Variants in ERCC5 observed in about 807,000 individuals in gnomAD.
The protein encoded by ERCC5 is DNA excision repair protein ERCC-5.
A neutral mutation model predicts 105.6 loss-of-function variants in ERCC5; 68 were observed. The ratio of observed to expected loss-of-function variants is 0.64; its 90% CI spans 0.53 to 0.79. The LOEUF is 0.79. Ranked by LOEUF, ERCC5 falls within the 30% of genes least tolerant of loss-of-function variation. ERCC5 has a pLI of 0.00. For synonymous variants in ERCC5, 546 were observed against 526.2 expected, an observed-to-expected ratio of 1.04 and a Z score of -0.51; for missense variants, 1,373 against 1,426.7, an observed-to-expected ratio of 0.96 and a Z score of 0.61.
At chr13:102,872,105 G>T in intron 12 of ERCC5, 93 bp from the exon 13 acceptor site, 2 of 1,442,768 alleles carry the variant, frequency 1.4e-6, no homozygotes, top group Non-Finnish European at 9.5e-7. Flanking sequence ...GTTAGAACTT[G>T]AGTTTACATG....
intron 14 of ERCC5, among the ~76,000 whole-genome samples, chr13:102,873,857 G>A (rs940461960): frequency 1.3e-5 from 2 of 152,126 alleles, no homozygotes; most frequent in African/African-American, 4.8e-5. Context: ...TTATCTGTGA[G>A]TATGTTCTGA....
chr13:102,859,037 G>C, intron 6 of ERCC5: 2 of 425,800 alleles, frequency 4.7e-6, no homozygotes, highest in Admixed American at 5.1e-5. Flanking sequence ...GGCCCAGAAA[G>C]CTAGAGTGGA....
At position 102,861,910 on chromosome 13, in the gene ERCC5, C is replaced by T. The variant is rs562758713; in HGVS notation, c.881-120C>T. On this transcript the variant is annotated intron_variant, in intron 7 of 14. Coordinates refer to ENST00000652225, the MANE Select transcript of ERCC5 (RefSeq NM_000123.4). ...AGCTAATGAATTAACTCCTAGTTGC[C>T]GATTAAATGAAAATGTATATACTTA... 234 of 1,441,292 alleles carry T rather than the reference C, an allele frequency of 1.6e-4. No homozygotes were observed. In the Middle Eastern group the frequency reaches 2.8e-3, roughly 17 times the overall value. 89.3% of individuals were successfully genotyped at this position (1,441,292 alleles called of 1,614,324 possible). A position where few individuals can be genotyped will look rare whatever the true frequency, so the allele number is the denominator to read the frequency against.
At chr13:102,854,218 A>G in intron 3 of ERCC5, 70 bp from the exon 4 acceptor site, 6 of 1,522,530 alleles carry the variant, frequency 3.9e-6, no homozygotes, top group Middle Eastern at 1.7e-4. Context: ...GAGAGCAGCC[A>G]GGTCAGGTCC....
intron 8 of ERCC5, chr13:102,864,640 A>G (rs1566470023): frequency 6.6e-6 from 1 of 151,968 alleles, no homozygotes; most frequent in Non-Finnish European, 1.5e-5. Context: ...CATATGTTGT[A>G]CTTTCTCTGC....
Position 102,862,050 on chromosome 13 carries a change from G to T in ERCC5, c.901G>T (p.Ala301Ser). ...TTAAGGTATTCAAGCTAAGACAGTT[G>T]CAGAAGTGGATTCAGAGTCTCTTCC... The part of the protein sequence containing the change: ...LIKGIQAKTV[A>S]EVDSESLPSS... The change falls in exon 8 of 15, where the codon GCA (alanine) becomes TCA (serine). Residue 301 changes from alanine to serine, a missense_variant. Ala to Ser is a moderately conservative substitution (Grantham distance 99, BLOSUM62 1). This residue lies in a region of ERCC5 where 1,004 missense variants were observed against 1,059.7 expected (regional missense o/e 0.95). Coordinates refer to ENST00000652225, the MANE Select transcript of ERCC5 (RefSeq NM_000123.4). 6.2e-7 allele frequency: 1 copy of T among 1,614,222 alleles called. No individual in the cohort carries two copies. Among genetic ancestry groups the T allele is most frequent in the Non-Finnish European group, 8.5e-7 (1 of 1,180,038 alleles).
At position 102,862,579 on chromosome 13, in the gene ERCC5, C is replaced by T. The variant is rs867102591; in HGVS notation, c.1430C>T (p.Ser477Leu). The change falls in exon 8 of 15, where the codon TCA becomes TTA. Residue 477 changes from serine (S) to leucine (L), a missense_variant. Physicochemically the swap from Ser to Leu is moderately radical, Grantham distance 145. Around this residue, in one of 3 missense-constraint regions of ERCC5, gnomAD observed 1,004 missense variants for 1,059.7 expected, o/e 0.95. Transcript: ENST00000652225. ...GACTCAGTTCCAAAAGAACAAATGT[C>T]ACTTGTTCACGTGGGGACTGAAGCC... is the stretch of plus-strand genomic sequence containing the variant. The part of the protein sequence containing the change: ...PTDSVPKEQM[S>L]LVHVGTEAFP... 2 of 1,614,116 alleles carry T rather than the reference C, an allele frequency of 1.2e-6. No individual in the cohort carries two copies. Among genetic ancestry groups the T allele is most frequent in the Middle Eastern group, 1.6e-4 (1 of 6,062 alleles).
rs552834055 is a variant in ERCC5 at position 102,858,569 on chromosome 13, G to A, written c.672+151G>A. 1.9e-5 allele frequency: 23 copies of A among 1,225,122 alleles called. 1 individual carries two copies. The highest frequency in any genetic ancestry group is 1.5e-4 in the South Asian group (11 of 74,184). 75.9% of individuals were successfully genotyped at this position (1,225,122 alleles called of 1,614,324 possible). On this transcript the variant is annotated intron_variant, in intron 6 of 14. Coordinates refer to ENST00000652225, the MANE Select transcript of ERCC5 (RefSeq NM_000123.4). ...TACATCTCAGATTCTAAGAAGCATC[G>A]TATATTTATACGTTTGAGCCTATAG...
Position 102,852,209 on chromosome 13 carries a change from T to G in ERCC5, c.180T>G (p.His60Gln), listed in dbSNP as rs771389207. 6.2e-7 allele frequency: 1 copy of G among 1,614,060 alleles called. No individual in the cohort carries two copies. The highest frequency in any genetic ancestry group is 1.3e-5 in the African/African-American group (1 of 74,950). The change falls in exon 2 of 15, where the codon CAT becomes CAG. Residue 60 changes from histidine (H) to glutamine (Q), a missense_variant. By Grantham distance (24) the His-to-Gln change is conservative. This residue lies in a region of ERCC5 where 1,004 missense variants were observed against 1,059.7 expected (regional missense o/e 0.95). Coordinates refer to ENST00000652225, the MANE Select transcript of ERCC5 (RefSeq NM_000123.4). The stretch of plus-strand genomic sequence containing the variant: ...ATCCTCATCTTCTCACTTTGTTTCA[T>G]CGGCTCTGCAAACTCTTATTTTTTC... ...IENPHLLTLF[H>Q]RLCKLLFFRI...
chr13:102,853,620 T>C lies in ERCC5; in HGVS notation c.265-137T>C, dbSNP rs1008056063. On this transcript the variant is annotated intron_variant, in intron 2 of 14. Coordinates refer to ENST00000652225, the MANE Select transcript of ERCC5 (RefSeq NM_000123.4). ...AGCAACCTGAAGATATACACTGATA[T>C]GGCAATTAGGAGGAAATGCTAAAGC... The C allele has an allele frequency of 8.6e-6, 7 of 818,030 alleles. No homozygotes were observed. In the South Asian group the frequency reaches 9.8e-5, roughly 11 times the overall value. 50.7% of individuals were successfully genotyped at this position (818,030 alleles called of 1,614,324 possible).
intron 3 of ERCC5, 84 bp downstream of exon 3, chr13:102,853,956 A>G (rs780292928): frequency 1.4e-5 from 19 of 1,351,822 alleles, no homozygotes; most frequent in East Asian, 2.3e-5. Context: ...CTCTTTCCCT[A>G]TCTAATTTTG....
chr13:102,875,336 A>T lies in ERCC5; in HGVS notation c.2994A>T (p.Arg998Ser). 6.2e-7 allele frequency: 1 copy of T among 1,613,972 alleles called. No individual in the cohort carries two copies. Among genetic ancestry groups the T allele is most frequent in the Non-Finnish European group, 8.5e-7 (1 of 1,180,010 alleles). The part of the protein sequence containing the change: ...QTQLRIDSFF[R>S]LAQQEKEDAK... ...AGCTCCGAATTGATTCCTTCTTTAG[A>T]TTAGCACAACAGGAGAAAGAAGATG... Residue 998 changes from arginine (R) to serine (S), a missense_variant, in exon 15 of 15, where the codon AGA (arginine) becomes AGT (serine). By Grantham distance (110) the Arg-to-Ser change is moderately radical. Coordinates refer to ENST00000652225, the MANE Select transcript of ERCC5 (RefSeq NM_000123.4).
intron 6 of ERCC5, among the ~76,000 whole-genome samples, chr13:102,859,896 A>C (rs1229858373): frequency 1.3e-5 from 2 of 152,240 alleles, no homozygotes; most frequent in African/African-American, 4.8e-5. Flanking sequence ...GTGGTCTGAA[A>C]ATATTAAATG....
In ERCC5 at chr13:102,872,384, C is replaced by T. The variant is rs150671111; in HGVS notation, c.2865C>T (p.Leu955=). ...KGSFLWGKPD[L]DKIREFCQRY... is the part of the protein sequence containing the mutation. ...CCTTTCTGTGGGGGAAACCTGATCT[C>T]GACAAAATTAGAGAATATCCTTTGC... Residue 955 remains leucine, a synonymous_variant, in exon 13 of 15, where the codon CTC becomes CTT. Coordinates refer to ENST00000652225, the MANE Select transcript of ERCC5 (RefSeq NM_000123.4). 1.2e-5 allele frequency: 19 copies of T among 1,613,986 alleles called. No individual in the cohort carries two copies. The African/African-American group carries it at 1.6e-4, about 14-fold the overall frequency.
At chr13:102,861,226 T>A (rs1882606801) in intron 6 of ERCC5, among the ~76,000 whole-genome samples, 1 of 152,072 alleles carries the variant, frequency 6.6e-6, no homozygotes, top group South Asian at 2.1e-4. Context: ...TGACCTCCGG[T>A]GGTCCACCCA....
At position 102,865,804 on chromosome 13, in the gene ERCC5, G is replaced by A. The variant is rs1217859957; in HGVS notation, c.2092G>A (p.Glu698Lys). ...GGAGGGAGAAGCCCCTGCTGAGTCCGAGAGCCTCCTGAGGGACAACTCTGA... is the reference window on the plus strand; with the variant it reads ...GGAGGGAGAAGCCCCTGCTGAGTCCAAGAGCCTCCTGAGGGACAACTCTGA... Reference protein sequence around the residue: ...TREGEAPAESESLLRDNSERD... With the variant: ...TREGEAPAESKSLLRDNSERD... Residue 698 changes from glutamate to lysine, a missense_variant, in exon 9 of 15, where the codon GAG becomes AAG. By Grantham distance (56) the Glu-to-Lys change is moderately conservative. Around this residue, in one of 3 missense-constraint regions of ERCC5, gnomAD observed 1,004 missense variants for 1,059.7 expected, o/e 0.95. Coordinates refer to ENST00000652225, the MANE Select transcript of ERCC5 (RefSeq NM_000123.4). This position sits in a 1 kb window ranked among gnomAD's most constrained non-coding sequence, Gnocchi z 4.0. 6.2e-6 allele frequency: 10 copies of A among 1,614,032 alleles called. No individual in the cohort carries two copies. In the Admixed American group the frequency reaches 6.7e-5, roughly 11 times the overall value.
In ERCC5 at chr13:102,866,389, C is replaced by A. The variant is rs374059558; in HGVS notation, c.2319+8C>A. The A allele has an allele frequency of 2.5e-6, 4 of 1,614,098 alleles. No individual in the cohort carries two copies. Among genetic ancestry groups the A allele is most frequent in the Non-Finnish European group, 2.5e-6 (3 of 1,179,944 alleles). ...ATGTTCCTGGAAAGCCAGGTGGGTG[C>A]AGGCAGCTTGGGTTTCCTTTACCAC... On this transcript the variant is annotated splice_region_variant and intron_variant, in intron 10 of 14. Transcript: ENST00000652225.
intron 14 of ERCC5, among the ~76,000 whole-genome samples, chr13:102,873,930 C>T (rs1883113562): frequency 6.6e-6 from 1 of 152,118 alleles, no homozygotes; most frequent in South Asian, 2.1e-4. Flanking sequence ...TACAAATAAA[C>T]CACTTAGCAG....
rs1188616887 is a variant in ERCC5 at position 102,846,080 on chromosome 13, C to G, written c.-187C>G. Reference sequence around the variant, plus strand: ...CTGAGACGTGTTGCAGCCAGAGTCTCTCCGCTTTAATGCGCTCCCATTAGT... The same window carrying G: ...CTGAGACGTGTTGCAGCCAGAGTCTGTCCGCTTTAATGCGCTCCCATTAGT... On this transcript the variant is annotated 5_prime_UTR_variant, in exon 1 of 15. Coordinates refer to ENST00000652225, the MANE Select transcript of ERCC5 (RefSeq NM_000123.4). The G allele has an allele frequency of 3.4e-6, 2 of 596,374 alleles. No homozygotes were observed. The highest frequency in any genetic ancestry group is 6.0e-6 in the Non-Finnish European group (2 of 333,950). The allele number at this position is 596,374 out of a possible 1,614,324, so 36.9% of individuals were successfully genotyped here.
Sources: gnomAD v4.1 joint callset for allele counts (sites outside exome capture counted in the v4.1 genomes callset) on GRCh38, gnomAD v4.1.1 for gene constraint, gnomAD v4.1.1 regional missense constraint, Gnocchi (gnomAD v3.1) non-coding constraint, MANE v1.5 for transcripts, NCBI Gene and HGNC (gene_info 2026-07-23, HGNC 2026-07-21) for gene names.